FYB2: variants seen among roughly 807,000 people sequenced by gnomAD.
The protein encoded by FYB2 is FYN-binding protein 2.
FYB2 carries 103 observed loss-of-function variants against 94.1 expected under a neutral mutation model. The ratio of observed to expected loss-of-function variants is 1.09; its 90% confidence interval spans 0.93 to 1.29. The LOEUF (loss-of-function observed/expected upper bound fraction) is 1.29, where lower values mean the gene tolerates loss of function less well. FYB2 is among the 50% of genes most tolerant of loss of function. The pLI, the probability that FYB2 is intolerant of heterozygous loss-of-function variation, is 0.00. For synonymous variants in FYB2, 293 were observed against 287.9 expected, an observed-to-expected ratio of 1.02 and a Z score of -0.18; for missense variants, 896 against 841.5, an observed-to-expected ratio of 1.06 and a Z score of -0.80.
Position 56,818,376 on chromosome 1 carries a change from C to T in FYB2, c.9+906G>A, listed in dbSNP as rs541458630. ...TGGATCCTCTGCCCTGATTTAAAACCAAACTTGTGGGTGAGAAGCCACATG... is the reference window on the plus strand; with the variant it reads ...TGGATCCTCTGCCCTGATTTAAAACTAAACTTGTGGGTGAGAAGCCACATG... On this transcript the variant is annotated intron_variant, in intron 1 of 19. Coordinates refer to ENST00000343433, the MANE Select transcript of FYB2 (RefSeq NM_001004303.5). Among the ~76,000 whole-genome samples the T allele has an allele frequency of 4.0e-5, 6 of 151,170 alleles. No individual in the cohort carries two copies. The South Asian group carries it at 6.3e-4, about 16-fold the overall frequency.
At position 56,799,280 on chromosome 1, in the gene FYB2, C is replaced by T. The variant is rs1646468114; in HGVS notation, c.10-6477G>A. Among the ~76,000 whole-genome samples, 3 of 151,046 alleles carry T rather than the reference C, an allele frequency of 2.0e-5. 1 individual carries two copies. In the South Asian group the frequency reaches 6.2e-4, roughly 31 times the overall value. On this transcript the variant is annotated intron_variant, in intron 1 of 19. Coordinates refer to ENST00000343433, the MANE Select transcript of FYB2 (RefSeq NM_001004303.5). ...ATATACAAATATATTGACAAATATA[C>T]CTTTCTTATAAATTTAGCTTCAATT...
chr1:56,737,225 A>G, intron 14 of FYB2, 78 bp from the exon 15 acceptor site: 4 of 1,041,004 alleles, frequency 3.8e-6, no homozygotes, highest in Admixed American at 2.4e-5. Flanking sequence ...ATTATACTCA[A>G]TTACCTAATT....
chr1:56,825,969 T>C, the FYB2 span, among the ~76,000 whole-genome samples: 15 of 152,328 alleles, frequency 9.8e-5, no homozygotes, highest in East Asian at 3.9e-4. Context: ...CTGACTCCCA[T>C]TGATCCTTCA....
At chr1:56,775,705 C>G (rs1447304561) in intron 4 of FYB2, among the ~76,000 whole-genome samples, 1 of 152,098 alleles carries the variant, frequency 6.6e-6, no homozygotes, top group Non-Finnish European at 1.5e-5. Context: ...AGGGGATGTA[C>G]TGGTTGAAGT....
the FYB2 span, among the ~76,000 whole-genome samples, chr1:56,825,426 C>T: frequency 1.2e-3 from 180 of 152,232 alleles, 1 homozygote; most frequent in African/African-American, 4.0e-3. Context: ...TCTTGGCTTC[C>T]ACCTGCATCC....
intron 17 of FYB2, 178 bp from the exon 18 acceptor site, chr1:56,720,507 G>GA (rs1171333301): frequency 2.2e-6 from 1 of 448,718 alleles, no homozygotes; most frequent in African/African-American, 2.0e-5. Flanking sequence ...AGTCGTTTAA[G>GA]AAAATAATAG....
chr1:56,808,488 T>A (rs778735813), intron 1 of FYB2, among the ~76,000 whole-genome samples: 5 of 152,166 alleles, frequency 3.3e-5, no homozygotes, highest in Admixed American at 6.5e-5. Flanking sequence ...CTCCAAGAAC[T>A]TACAAAGCCA....
In FYB2 at chr1:56,738,655, T is replaced by G. The variant is rs1458179053; in HGVS notation, c.1704-2A>C. The G allele has an allele frequency of 2.5e-6, 4 of 1,610,570 alleles. No homozygotes were observed. The highest frequency in any genetic ancestry group is 2.5e-6 in the Non-Finnish European group (3 of 1,178,182). ...TCAGGCAGCAAAATGGAAAATGCAC[T>G]GTTGATTGACAAAAGACACAAAAGA... On this transcript the variant is annotated splice_acceptor_variant, in intron 13 of 19. Coordinates refer to ENST00000343433, the MANE Select transcript of FYB2 (RefSeq NM_001004303.5). LOFTEE classifies it high-confidence loss of function.
Position 56,795,754 on chromosome 1 carries a change from T to G in FYB2, c.10-2951A>C, listed in dbSNP as rs546790185. 2.0e-5 allele frequency among the ~76,000 whole-genome samples: 3 copies of G among 152,300 alleles called. No individual in the cohort carries two copies. The South Asian group carries it at 6.2e-4, about 32-fold the overall frequency. On this transcript the variant is annotated intron_variant, in intron 1 of 19. Coordinates refer to ENST00000343433, the MANE Select transcript of FYB2 (RefSeq NM_001004303.5). ...CACTATTTGAAGCCACATGGACAAC[T>G]ACTGTACAATGTTGTTGCTTAGATT...
At chr1:56,764,703 GC>G (rs1645580338) in intron 5 of FYB2, among the ~76,000 whole-genome samples, 1 of 151,988 alleles carries the variant, frequency 6.6e-6, no homozygotes, top group Non-Finnish European at 1.5e-5. Context: ...TAGTATTTCA[GC>G]CATCTCAATT....
At chr1:56,768,073 A>G (rs1645669136) in intron 4 of FYB2, 135 bp from the exon 5 acceptor site, 1 of 615,996 alleles carries the variant, frequency 1.6e-6, no homozygotes, top group Non-Finnish European at 2.8e-6. Flanking sequence ...TGGGAGGCAC[A>G]CTACCCCTAC....
intron 6 of FYB2, among the ~76,000 whole-genome samples, chr1:56,757,687 C>CT (rs1645372059): frequency 6.7e-4 from 48 of 71,954 alleles, no homozygotes; most frequent in African/African-American, 2.8e-3. Flanking sequence ...TCCTTCCTTC[C>CT]TTCTTTCTTT....
At chr1:56,737,505 G>T (rs531860130) in intron 14 of FYB2, 1 of 167,516 alleles carries the variant, frequency 6.0e-6, no homozygotes, top group African/African-American at 2.4e-5. Flanking sequence ...TATACTGCTA[G>T]AATAGTGAGA....
intron 16 of FYB2, among the ~76,000 whole-genome samples, chr1:56,725,387 C>A (rs1257703301): frequency 3.3e-5 from 5 of 152,080 alleles, no homozygotes; most frequent in Non-Finnish European, 5.9e-5. Context: ...AATAACTAGC[C>A]TTACAGTAAT....
intron 15 of FYB2, 124 bp from the exon 16 acceptor site, chr1:56,726,707 A>G (rs1473558474): frequency 2.6e-6 from 2 of 780,462 alleles, no homozygotes; most frequent in African/African-American, 3.6e-5. Context: ...ATATATTTTG[A>G]TAATCCATGG....
At chr1:56,825,839 G>C in the FYB2 span, among the ~76,000 whole-genome samples, 31 of 152,144 alleles carry the variant, frequency 2.0e-4, no homozygotes, top group African/African-American at 6.3e-4. Flanking sequence ...TTCTCCCTTG[G>C]GTGTTTCATA....
intron 4 of FYB2, among the ~76,000 whole-genome samples, chr1:56,768,374 A>G (rs1645676113): frequency 6.6e-6 from 1 of 152,220 alleles, no homozygotes; most frequent in African/African-American, 2.4e-5. Context: ...AGCTATCAGC[A>G]TCAAGTCCAG....
At chr1:56,808,862 G>A (rs1335113389) in intron 1 of FYB2, among the ~76,000 whole-genome samples, 1 of 152,158 alleles carries the variant, frequency 6.6e-6, no homozygotes, top group Non-Finnish European at 1.5e-5. Context: ...TGGAGAGAAA[G>A]CCGAATGATG....
chr1:56,772,534 T>C (rs1232891399), intron 4 of FYB2, among the ~76,000 whole-genome samples: 1 of 152,150 alleles, frequency 6.6e-6, no homozygotes, highest in Middle Eastern at 3.2e-3. Context: ...AGGGACGAAA[T>C]AACTCTATGA....
Sources: allele counts gnomAD v4.1 joint callset (sites outside exome capture counted in the v4.1 genomes callset), GRCh38; gene constraint gnomAD v4.1.1; transcripts MANE v1.5; gene names NCBI Gene and HGNC (gene_info 2026-07-23, HGNC 2026-07-21).